PCDHA4: variants seen among roughly 807,000 people sequenced by gnomAD.
The protein encoded by PCDHA4 is protocadherin alpha-4.
Under a neutral mutation model 61.4 loss-of-function variants are expected in PCDHA4, and 49 were observed. The ratio of observed to expected loss-of-function variants is 0.80; its 90% confidence interval spans 0.63 to 1.01. The LOEUF is 1.01. PCDHA4 is among the 50% of genes least tolerant of loss of function. The pLI is 0.00. For synonymous variants in PCDHA4, 590 were observed against 550.3 expected, an observed-to-expected ratio of 1.07 and a Z score of -1.01; for missense variants, 1,254 against 1,235.8, an observed-to-expected ratio of 1.01 and a Z score of -0.22.
intron 1 of PCDHA4, chr5:140,850,986 T>C (rs2041915451): frequency 6.9e-7 from 1 of 1,450,124 alleles, no homozygotes; most frequent in South Asian, 1.6e-5. Context: ...TTTATTCATT[T>C]TTCTAGAAAT....
chr5:140,891,235 G>T (rs186707439), intron 1 of PCDHA4, among the ~76,000 whole-genome samples: 48 of 152,092 alleles, frequency 3.2e-4, no homozygotes, highest in African/African-American at 1.1e-3. Flanking sequence ...TCCTGTTCTG[G>T]ATTCAGTAGG....
intron 1 of PCDHA4, chr5:140,815,946 G>T (rs2126668212): frequency 6.6e-5 from 10 of 152,244 alleles, no homozygotes; most frequent in African/African-American, 2.2e-4. Flanking sequence ...GAAATCTACT[G>T]GTAGAGTTAG....
In PCDHA4 at chr5:140,870,787, C is replaced by T. The variant is rs782200395; in HGVS notation, c.2385+61215C>T. On this transcript the variant is annotated intron_variant, in intron 1 of 3. Transcript: ENST00000530339. ...CGTGCTGGACGAGAACGACAACGCG[C>T]CGGCACTGCTGGCGACTCAGGCTGG... 6.2e-7 allele frequency: 1 copy of T among 1,613,638 alleles called. No homozygotes were observed. Among genetic ancestry groups the T allele is most frequent in the Admixed American group, 1.7e-5 (1 of 60,028 alleles).
At chr5:140,863,106 C>G (rs782630265) in intron 1 of PCDHA4, 1 of 582,196 alleles carries the variant, frequency 1.7e-6, no homozygotes, top group Non-Finnish European at 3.4e-6. Context: ...GTACCCTGGA[C>G]GAGGCGAAAG....
intron 1 of PCDHA4, among the ~76,000 whole-genome samples, chr5:140,923,882 G>A (rs1261780966): frequency 6.6e-6 from 1 of 152,192 alleles, no homozygotes; most frequent in Non-Finnish European, 1.5e-5. Context: ...AGAAGCGTGT[G>A]AAAGAGGAGG....
intron 3 of PCDHA4, among the ~76,000 whole-genome samples, chr5:140,993,766 C>T (rs567978996): frequency 9.2e-5 from 14 of 152,082 alleles, no homozygotes; most frequent in African/African-American, 1.7e-4. Context: ...ATTACAATTG[C>T]GCAGTATTTT....
chr5:140,879,184 T>C (rs1368886985), intron 1 of PCDHA4, among the ~76,000 whole-genome samples: 1 of 152,136 alleles, frequency 6.6e-6, no homozygotes, highest in Admixed American at 6.5e-5. Flanking sequence ...TATCAAGTAA[T>C]GGAGACTTAA....
intron 1 of PCDHA4, chr5:140,966,547 G>A (rs2096020137): frequency 2.1e-6 from 1 of 467,502 alleles, no homozygotes; most frequent in Non-Finnish European, 3.6e-6. Context: ...ACTCGGAGGC[G>A]AGCGGAGGAG....
Position 140,882,649 on chromosome 5 carries a change from C to G in PCDHA4, c.2385+73077C>G, listed in dbSNP as rs559940161. The G allele has an allele frequency of 3.7e-6, 6 of 1,614,096 alleles. No homozygotes were observed. In the Admixed American group the frequency reaches 1.0e-4, roughly 27 times the overall value. On this transcript the variant is annotated intron_variant, in intron 1 of 3. Coordinates refer to ENST00000530339, the MANE Select transcript of PCDHA4 (RefSeq NM_018907.4). ...TGGAGGTGAAGGTGAGGGACATTAACGACAACCCGCCCATATTCCCTGAAA... is the reference window on the plus strand; with the variant it reads ...TGGAGGTGAAGGTGAGGGACATTAAGGACAACCCGCCCATATTCCCTGAAA...
chr5:140,921,581 T>C (rs1199851100), intron 1 of PCDHA4, among the ~76,000 whole-genome samples: 1 of 152,210 alleles, frequency 6.6e-6, no homozygotes, highest in Non-Finnish European at 1.5e-5. Flanking sequence ...GAGCTCATAC[T>C]ATATTATGGT....
intron 1 of PCDHA4, among the ~76,000 whole-genome samples, chr5:140,965,088 G>A (rs1390840466): frequency 4.6e-5 from 7 of 152,196 alleles, no homozygotes; most frequent in Non-Finnish European, 8.8e-5. Context: ...CTTTGTTCCA[G>A]TCCATAGCTA....
At chr5:140,965,195 T>C (rs1368041910) in intron 1 of PCDHA4, among the ~76,000 whole-genome samples, 3 of 152,198 alleles carry the variant, frequency 2.0e-5, no homozygotes, top group Admixed American at 6.5e-5. Context: ...CATGAGGCAA[T>C]AGATTTCAAA....
chr5:140,900,022 T>C (rs1554188836), intron 1 of PCDHA4, among the ~76,000 whole-genome samples: 1 of 152,044 alleles, frequency 6.6e-6, no homozygotes, highest in African/African-American at 2.4e-5. Flanking sequence ...GTTACCCAGT[T>C]TGGCCTTGAA....
chr5:140,836,758 G>C, intron 1 of PCDHA4: 1 of 1,572,510 alleles, frequency 6.4e-7, no homozygotes, highest in South Asian at 1.2e-5. Context: ...AAATAATCTT[G>C]TTTCCAACAA....
intron 1 of PCDHA4, among the ~76,000 whole-genome samples, chr5:140,839,040 T>C (rs1469530871): frequency 6.6e-6 from 1 of 152,080 alleles, no homozygotes; most frequent in Non-Finnish European, 1.5e-5. Flanking sequence ...TGTTTTCTTT[T>C]CAACGTGAAT....
chr5:140,898,528 TG>T (rs2066807286), intron 1 of PCDHA4, among the ~76,000 whole-genome samples: 1 of 152,236 alleles, frequency 6.6e-6, no homozygotes, highest in African/African-American at 2.4e-5. Flanking sequence ...CTGAGGGCTC[TG>T]TTCTGTTCCA....
chr5:140,923,951 G>A (rs763582377), intron 1 of PCDHA4, among the ~76,000 whole-genome samples: 4 of 151,984 alleles, frequency 2.6e-5, no homozygotes, highest in Non-Finnish European at 2.9e-5. Context: ...TTTTCCTCAC[G>A]CCCTAATCTA....
intron 1 of PCDHA4, chr5:140,836,150 T>C (rs1373246129): frequency 4.3e-6 from 7 of 1,613,640 alleles, no homozygotes; most frequent in Admixed American, 1.7e-5. Context: ...GCGCGGGCCA[T>C]GTGGTGGCGA....
intron 1 of PCDHA4, chr5:140,857,896 T>G: frequency 6.3e-7 from 1 of 1,597,704 alleles, no homozygotes; most frequent in Admixed American, 1.7e-5. Flanking sequence ...CGGCGGTTGG[T>G]GCACGCATCC....
Sources: gnomAD v4.1 joint callset for allele counts (sites outside exome capture counted in the v4.1 genomes callset) on GRCh38, gnomAD v4.1.1 for gene constraint, MANE v1.5 for transcripts, NCBI Gene and HGNC (gene_info 2026-07-23, HGNC 2026-07-21) for gene names.